TMOD3: variants seen among roughly 807,000 people sequenced by gnomAD.
The protein encoded by TMOD3 is tropomodulin 3, also known as tropomodulin-3.
Under a neutral mutation model 39.2 loss-of-function variants are expected in TMOD3, and 20 were observed. The observed-to-expected ratio is 0.51, with a 90% CI of 0.36 to 0.74. TMOD3 has a LOEUF of 0.74. Ranked by LOEUF, TMOD3 falls within the 30% of genes least tolerant of loss-of-function variation. The probability of loss-of-function intolerance (pLI) is 0.00; values close to 1 mark genes in which losing one functional copy is unlikely to be tolerated. For synonymous variants in TMOD3, 143 were observed against 145.8 expected (o/e 0.98, Z 0.14); for missense variants, 381 against 412.8 (o/e 0.92, Z 0.67).
At chr15:51,856,042 C>G (rs1365034320) in intron 1 of TMOD3, among the ~76,000 whole-genome samples, 2 of 152,164 alleles carry the variant, frequency 1.3e-5, no homozygotes, top group Non-Finnish European at 2.9e-5. Context: ...GCAGACAGAT[C>G]ACTTGATTCT....
intron 3 of TMOD3, among the ~76,000 whole-genome samples, chr15:51,872,596 A>AT (rs1452368886): frequency 8.4e-5 from 9 of 107,476 alleles, no homozygotes; most frequent in South Asian, 8.3e-4. Flanking sequence ...TGAGGACCAA[A>AT]TTTGTTTTTT....
intron 3 of TMOD3, among the ~76,000 whole-genome samples, chr15:51,883,774 T>A (rs749046899): frequency 6.6e-6 from 1 of 152,102 alleles, no homozygotes; most frequent in African/African-American, 2.4e-5. Flanking sequence ...GCTCTCACAG[T>A]GAAGCCACTG....
intron 1 of TMOD3, among the ~76,000 whole-genome samples, chr15:51,842,031 C>T (rs1008945823): frequency 1.3e-5 from 2 of 152,126 alleles, no homozygotes; most frequent in Non-Finnish European, 2.9e-5. Context: ...CCACCTTGGC[C>T]TCCCAAAGTG....
chr15:51,873,118 T>C (rs1213660325), intron 3 of TMOD3, among the ~76,000 whole-genome samples: 1 of 152,234 alleles, frequency 6.6e-6, no homozygotes, highest in Non-Finnish European at 1.5e-5. Flanking sequence ...GCCTTAGTTA[T>C]CCTTAGTCAC....
intron 5 of TMOD3, among the ~76,000 whole-genome samples, chr15:51,889,734 C>T (rs993012282): frequency 1.5e-4 from 23 of 152,198 alleles, no homozygotes; most frequent in African/African-American, 5.5e-4. Flanking sequence ...GGCATGGTGG[C>T]ACATGTCTCT....
chr15:51,866,684 A>T (rs1235593783), intron 2 of TMOD3, among the ~76,000 whole-genome samples: 1 of 152,178 alleles, frequency 6.6e-6, no homozygotes. Flanking sequence ...GAAGGAAAGT[A>T]ACTTTTTATT....
In TMOD3 at chr15:51,889,115, A is replaced by C. The variant is rs1305415217; in HGVS notation, c.466A>C (p.Ser156Arg). 6.2e-7 allele frequency: 1 copy of C among 1,602,986 alleles called. No homozygotes were observed. The highest frequency in any genetic ancestry group is 8.5e-7 in the Non-Finnish European group (1 of 1,175,550). ...NTKFCNIMGS[S>R]NGVDQEHFSN... ...AAAGTTCTGTAATATAATGGGAAGTAGTAATGGTGTTGACCAAGAACATTT... is the reference window on the plus strand; with the variant it reads ...AAAGTTCTGTAATATAATGGGAAGTCGTAATGGTGTTGACCAAGAACATTT... Residue 156 changes from serine to arginine, a missense_variant, in exon 5 of 10, where the codon AGT becomes CGT. Physicochemically the swap from Ser to Arg is moderately radical, Grantham distance 110. Transcript: ENST00000308580.
intron 9 of TMOD3, 87 bp downstream of exon 9, chr15:51,902,123 A>G: frequency 6.7e-7 from 1 of 1,482,578 alleles, no homozygotes; most frequent in Non-Finnish European, 9.2e-7. Flanking sequence ...AATAAATTCT[A>G]ACAGAGAAGT....
chr15:51,836,743 AGAAAAAAG>A, intron 1 of TMOD3, among the ~76,000 whole-genome samples: 2 of 150,456 alleles, frequency 1.3e-5, no homozygotes, highest in African/African-American at 4.9e-5. Flanking sequence ...AAAAGAAAAA[AGAAAAAAG>A]AAAAATACTG....
Position 51,893,547 on chromosome 15 carries a change from C to T in TMOD3, c.497-268C>T, listed in dbSNP as rs1221891941. On this transcript the variant is annotated intron_variant, in intron 5 of 9. Coordinates refer to ENST00000308580, the MANE Select transcript of TMOD3 (RefSeq NM_014547.5). ...TTTGGGAGGCTGAGGCGGGTTGATA[C>T]GAGGTCAGGAGATAGAGACCATCCT... is the stretch of plus-strand genomic sequence containing the variant. Among the ~76,000 whole-genome samples, 6 of 151,760 alleles carry T rather than the reference C, an allele frequency of 4.0e-5. No homozygotes were observed. The East Asian group carries it at 9.7e-4, about 24-fold the overall frequency.
At chr15:51,897,511 G>A (rs1468574676) in intron 7 of TMOD3, among the ~76,000 whole-genome samples, 12 of 131,672 alleles carry the variant, frequency 9.1e-5, no homozygotes, top group Non-Finnish European at 1.1e-4. Context: ...TTGAGACAGC[G>A]TCTCACTCTG....
chr15:51,901,572 AGTGTGTGTGTGTGTGTGTGT>A (rs57976840), intron 8 of TMOD3: 26 of 184,804 alleles, frequency 1.4e-4, no homozygotes, highest in Non-Finnish European at 1.3e-4. Flanking sequence ...TAAAAAGTTT[AGTGTGTGTGTGTGTGTGTGT>A]GTGTGTGTGT....
At chr15:51,890,625 G>A (rs903285437) in intron 5 of TMOD3, among the ~76,000 whole-genome samples, 2 of 152,090 alleles carry the variant, frequency 1.3e-5, no homozygotes, top group Non-Finnish European at 1.5e-5. Flanking sequence ...AAATAATTGG[G>A]TAACCTCAAT....
chr15:51,907,924 T>G (rs1017032812), intron 9 of TMOD3, among the ~76,000 whole-genome samples: 1 of 152,232 alleles, frequency 6.6e-6, no homozygotes, highest in African/African-American at 2.4e-5. Flanking sequence ...GACTGGCCAC[T>G]TAGGCAGCCA....
intron 1 of TMOD3, chr15:51,860,637 CA>C: frequency 1.9e-6 from 1 of 534,966 alleles, no homozygotes; most frequent in East Asian, 5.0e-5. Context: ...CCATTTCTTA[CA>C]AAAAACTACA....
chr15:51,874,896 C>A (rs1424298561), intron 3 of TMOD3: 2 of 152,344 alleles, frequency 1.3e-5, no homozygotes, highest in Non-Finnish European at 2.9e-5. Context: ...GCACCGCACT[C>A]CTTTTCTTCC....
At chr15:51,876,783 A>G (rs1358567565) in intron 3 of TMOD3, among the ~76,000 whole-genome samples, 1 of 152,078 alleles carries the variant, frequency 6.6e-6, no homozygotes, top group Non-Finnish European at 1.5e-5. Flanking sequence ...TTAAAAAAAA[A>G]AATCTTCCGT....
chr15:51,882,784 A>T (rs2056541512), intron 3 of TMOD3, among the ~76,000 whole-genome samples: 1 of 151,992 alleles, frequency 6.6e-6, no homozygotes, highest in African/African-American at 2.4e-5. Flanking sequence ...CTGGGTTTCC[A>T]TGTGAATTTT....
Position 51,910,460 on chromosome 15 carries a change from CA to C in TMOD3, c.*1651del, listed in dbSNP as rs1170017511. The C allele has an allele frequency of 6.6e-6, 1 of 152,336 alleles. No homozygotes were observed. The highest frequency in any genetic ancestry group is 1.9e-4 in the East Asian group (1 of 5,198). The allele number at this position is 152,336 out of a possible 1,614,324, so 9.4% of individuals were successfully genotyped here. A position where few individuals can be genotyped will look rare whatever the true frequency, so the allele number is the denominator to read the frequency against. The stretch of plus-strand genomic sequence containing the variant: ...GTGTGGTGGTGCACACCTGTAATCC[CA>C]GCTACTCAGGAGGCTGAGGCAGGAG... On this transcript the variant is annotated 3_prime_UTR_variant, in exon 10 of 10. Coordinates refer to ENST00000308580, the MANE Select transcript of TMOD3 (RefSeq NM_014547.5).
Sources: gnomAD v4.1 joint callset for allele counts (sites outside exome capture counted in the v4.1 genomes callset) on GRCh38, gnomAD v4.1.1 for gene constraint, MANE v1.5 for transcripts, NCBI Gene and HGNC (gene_info 2026-07-23, HGNC 2026-07-21) for gene names.